SRSF11: variants seen among roughly 807,000 people sequenced by gnomAD.
SRSF11 encodes serine/arginine-rich splicing factor 11.
SRSF11 carries 9 observed loss-of-function variants against 56.0 expected under a neutral mutation model. That is an observed-to-expected ratio of 0.16 (90% CI 0.10 to 0.28). The LOEUF is 0.28. Ranked by LOEUF, SRSF11 falls within the 10% of genes least tolerant of loss-of-function variation. The probability of loss-of-function intolerance (pLI) is 1.00; values close to 1 mark genes in which losing one functional copy is unlikely to be tolerated. For synonymous variants in SRSF11, 222 were observed against 215.3 expected (o/e 1.03, Z -0.27); for missense variants, 421 against 600.7 (o/e 0.70, Z 3.13).
intron 1 of SRSF11, among the ~76,000 whole-genome samples, chr1:70,212,315 G>A (rs912721741): frequency 3.9e-5 from 6 of 151,946 alleles, no homozygotes; most frequent in South Asian, 4.2e-4. Context: ...GGAGTGCAGC[G>A]ACGAGATCTT....
chr1:70,244,546 AT>A, intron 7 of SRSF11, 137 bp from the exon 8 acceptor site: 1 of 922,144 alleles, frequency 1.1e-6, no homozygotes, highest in Non-Finnish European at 1.6e-6. Flanking sequence ...TATGGGCTAA[AT>A]AATAGCAAAT....
In SRSF11 at chr1:70,249,987, G is replaced by T. The variant is rs1422136737; in HGVS notation, c.1058G>T (p.Arg353Ile). The T allele has an allele frequency of 6.2e-7, 1 of 1,613,992 alleles. No homozygotes were observed. The highest frequency in any genetic ancestry group is 8.5e-7 in the Non-Finnish European group (1 of 1,180,024). The part of the protein sequence containing the change: ...RRRRRSRSGT[R>I]SPKKPRSPKR... ...CGACGAAGAAGCAGGAGTGGCACAA[G>T]ATCTCCTAAAAAGCCTCGGTCTCCT... is the stretch of plus-strand genomic sequence containing the variant. The change falls in exon 10 of 12, where the codon AGA becomes ATA. Residue 353 changes from arginine (R) to isoleucine (I), a missense_variant. Transcript: ENST00000370949.
intron 1 of SRSF11, among the ~76,000 whole-genome samples, chr1:70,211,822 T>G (rs1669583547): frequency 6.6e-6 from 1 of 152,206 alleles, no homozygotes; most frequent in South Asian, 2.1e-4. Context: ...GCCATCATCA[T>G]TCTAGAGGTA....
chr1:70,206,094 A>G (rs1399810636), intron 1 of SRSF11, among the ~76,000 whole-genome samples: 1 of 152,244 alleles, frequency 6.6e-6, no homozygotes, highest in Admixed American at 6.5e-5. Flanking sequence ...TATTGAGGGT[A>G]TATAGCTTAC....
rs563001113 is a variant in SRSF11, at chr1:70,247,037, GTTAT to G, written c.1022+134_1022+137del. 611 of 1,097,542 alleles carry G rather than the reference GTTAT, an allele frequency of 5.6e-4. 1 individual carries two copies. The East Asian group carries it at 6.2e-3, about 11-fold the overall frequency. 68.0% of individuals were successfully genotyped at this position (1,097,542 alleles called of 1,614,324 possible). On this transcript the variant is annotated intron_variant, in intron 9 of 11. Transcript: ENST00000370949. ...GTGTTGAAAAAAGTTACATTTTGCT[GTTAT>G]TTAAAGTTTTTAAAAGGCAATTTGT...
chr1:70,245,372 A>G (rs1023708217), intron 8 of SRSF11, among the ~76,000 whole-genome samples: 3 of 152,248 alleles, frequency 2.0e-5, no homozygotes, highest in African/African-American at 7.2e-5. Flanking sequence ...ACTCTTGGGA[A>G]GCATAAAACT....
chr1:70,252,082 TCTTTCC>T lies in SRSF11; in HGVS notation c.*1283_*1288del, dbSNP rs1211676349. On this transcript the variant is annotated 3_prime_UTR_variant, in exon 12 of 12. Coordinates refer to ENST00000370949, the MANE Select transcript of SRSF11 (RefSeq NM_001350605.2). The stretch of plus-strand genomic sequence containing the variant: ...CATTTACCTCATTCATTTTACAAAT[TCTTTCC>T]CTTTCTGTCCACATATTTCAGTATA... 3 of 152,612 alleles carry T rather than the reference TCTTTCC, an allele frequency of 2.0e-5. No individual in the cohort carries two copies. Among genetic ancestry groups the T allele is most frequent in the Admixed American group, 1.3e-4 (2 of 15,276 alleles). The allele number at this position is 152,612 out of a possible 1,614,324, so 9.5% of individuals were successfully genotyped here.
At chr1:70,208,839 T>A (rs1413292303) in intron 1 of SRSF11, among the ~76,000 whole-genome samples, 1 of 152,214 alleles carries the variant, frequency 6.6e-6, no homozygotes, top group East Asian at 1.9e-4. Flanking sequence ...TTAAGGAGAA[T>A]ACATTGAAAG....
upstream of SRSF11, among the ~76,000 whole-genome samples, chr1:70,218,402 G>A (rs1670215234): frequency 6.6e-6 from 1 of 152,164 alleles, no homozygotes; most frequent in African/African-American, 2.4e-5. Context: ...TTGCCACTTA[G>A]TTTCTCTATA....
At chr1:70,232,481 A>G (rs914511959) in intron 3 of SRSF11, 104 bp downstream of exon 3, 1 of 817,896 alleles carries the variant, frequency 1.2e-6, no homozygotes, top group Non-Finnish European at 2.0e-6. Context: ...TCTAGTTCAG[A>G]TAGCATTATC....
intron 9 of SRSF11, among the ~76,000 whole-genome samples, chr1:70,247,565 G>A (rs906113414): frequency 1.3e-5 from 2 of 151,962 alleles, no homozygotes; most frequent in Admixed American, 1.3e-4. Flanking sequence ...TAACTGAAAT[G>A]TATAAAAGAC....
chr1:70,223,602 C>T lies in SRSF11; in HGVS notation c.203+1763C>T, dbSNP rs188185391. Among the ~76,000 whole-genome samples the T allele has an allele frequency of 1.8e-4, 28 of 152,286 alleles. 1 individual carries two copies. The East Asian group carries it at 5.4e-3, about 29-fold the overall frequency. ...ATAAATTGACACATTTTTACTCTGA[C>T]TCCTTCATTTATCTTCCCACATACA... On this transcript the variant is annotated intron_variant, in intron 1 of 11. Coordinates refer to ENST00000370949, the MANE Select transcript of SRSF11 (RefSeq NM_001350605.2).
At chr1:70,224,472 G>GT (rs1327356770) in intron 1 of SRSF11, among the ~76,000 whole-genome samples, 1 of 152,096 alleles carries the variant, frequency 6.6e-6, no homozygotes, top group Non-Finnish European at 1.5e-5. Flanking sequence ...GACAGGTTAA[G>GT]TTTAACAACT....
rs1264383920 is a variant in SRSF11 at position 70,250,929 on chromosome 1, T to C, written c.*124T>C. On this transcript the variant is annotated 3_prime_UTR_variant, in exon 12 of 12. Coordinates refer to ENST00000370949, the MANE Select transcript of SRSF11 (RefSeq NM_001350605.2). ...TACAGCTCTGAGTTATAAATGGTTA[T>C]AAAGCTCCTGTTACTCATATTAGTT... 4 of 817,058 alleles carry C rather than the reference T, an allele frequency of 4.9e-6. No homozygotes were observed. The highest frequency in any genetic ancestry group is 7.7e-6 in the Non-Finnish European group (4 of 521,592). The allele number at this position is 817,058 out of a possible 1,614,324, so 50.6% of individuals were successfully genotyped here.
At chr1:70,224,184 A>G (rs1671262603) in intron 1 of SRSF11, among the ~76,000 whole-genome samples, 1 of 152,138 alleles carries the variant, frequency 6.6e-6, no homozygotes, top group Non-Finnish European at 1.5e-5. Context: ...CATGTTATAT[A>G]AGAGACTTGA....
In SRSF11 at chr1:70,250,388, A is replaced by T. The variant is rs1056357495; in HGVS notation, c.1142A>T (p.Asp381Val). The T allele has an allele frequency of 5.6e-6, 9 of 1,607,568 alleles. No individual in the cohort carries two copies. The highest frequency in any genetic ancestry group is 1.3e-5 in the African/African-American group (1 of 74,806). The change falls in exon 11 of 12, where the codon GAT becomes GTT. Residue 381 changes from aspartate (D) to valine (V), a missense_variant. This residue lies in a region of SRSF11 where 253 missense variants were observed against 305.8 expected (regional missense o/e 0.83). Transcript: ENST00000370949. Reference sequence around the variant, plus strand: ...AGACATAAAAAGGAGAAGAAGAAAGATAAAGACAAAGAAAGAAGTAGGGAT... The same window carrying T: ...AGACATAAAAAGGAGAAGAAGAAAGTTAAAGACAAAGAAAGAAGTAGGGAT... ...PRRHKKEKKK[D>V]KDKERSRDER...
At chr1:70,247,702 G>A (rs11209595) in intron 9 of SRSF11, among the ~76,000 whole-genome samples, 2,901 of 152,050 alleles carry the variant, frequency 0.019, 91 homozygotes, top group African/African-American at 0.066. Flanking sequence ...AGAAAATTTT[G>A]GAATTCACCA....
intron 4 of SRSF11, among the ~76,000 whole-genome samples, 196 bp downstream of exon 4, chr1:70,234,984 TC>T (rs1673632512): frequency 6.6e-6 from 1 of 152,200 alleles, no homozygotes; most frequent in South Asian, 2.1e-4. Context: ...TTTATATAGT[TC>T]AAAATAGAAA....
intron 1 of SRSF11, among the ~76,000 whole-genome samples, chr1:70,208,314 A>G (rs1036394550): frequency 4.6e-5 from 7 of 150,972 alleles, no homozygotes; most frequent in African/African-American, 1.7e-4. Flanking sequence ...AGTTACTGTA[A>G]TACAGTGTAT....
Sources: gnomAD v4.1 joint callset for allele counts (sites outside exome capture counted in the v4.1 genomes callset) on GRCh38, gnomAD v4.1.1 for gene constraint, gnomAD v4.1.1 regional missense constraint, MANE v1.5 for transcripts, NCBI Gene and HGNC (gene_info 2026-07-23, HGNC 2026-07-21) for gene names.